Variants in RGL1 observed in about 807,000 individuals in gnomAD.
The protein encoded by RGL1 is ral guanine nucleotide dissociation stimulator like 1.
A neutral mutation model predicts 95.2 loss-of-function variants in RGL1; 24 were observed. The ratio of observed to expected loss-of-function variants is 0.25; its 90% CI spans 0.18 to 0.35. RGL1 has a LOEUF of 0.35. RGL1 is among the 10% of genes least tolerant of loss of function. RGL1 has a pLI of 1.00. For synonymous variants in RGL1, 329 were observed against 344.9 expected (o/e 0.95, Z 0.51); for missense variants, 715 against 936.3 (o/e 0.76, Z 3.08).
At position 183,787,681 on chromosome 1, in the gene RGL1, C is replaced by G. The variant is rs973494071; in HGVS notation, c.133-18694C>G. 8.6e-5 allele frequency among the ~76,000 whole-genome samples: 13 copies of G among 152,028 alleles called. 1 individual carries two copies. Among genetic ancestry groups the G allele is most frequent in the African/African-American group, 3.1e-4 (13 of 41,382 alleles). ...CAAACTTCATGTTGAAATTTGATCCCTAGTGTTGGAGGTGAGGCTTAACAG... is the reference window on the plus strand; with the variant it reads ...CAAACTTCATGTTGAAATTTGATCCGTAGTGTTGGAGGTGAGGCTTAACAG... On this transcript the variant is annotated intron_variant, in intron 2 of 18. Coordinates refer to the RGL1 transcript ENST00000304685.
At chr1:183,879,722 GTCT>G (rs1027730095) in intron 4 of RGL1, among the ~76,000 whole-genome samples, 6 of 152,202 alleles carry the variant, frequency 3.9e-5, no homozygotes, top group Admixed American at 2.0e-4. Flanking sequence ...TGTTGGTAAA[GTCT>G]TCTTTGAAGA....
intron 2 of RGL1, among the ~76,000 whole-genome samples, chr1:183,827,597 CGA>C (rs1157965421): frequency 1.3e-5 from 2 of 152,176 alleles, no homozygotes; most frequent in Non-Finnish European, 2.9e-5. Flanking sequence ...GCTGTATTTT[CGA>C]TTAAGGTATA....
intron 1 of RGL1, among the ~76,000 whole-genome samples, chr1:183,711,591 A>G (rs990678308): frequency 3.3e-5 from 5 of 152,176 alleles, no homozygotes; most frequent in Non-Finnish European, 7.4e-5. Flanking sequence ...GTGAGAGTCT[A>G]GGGGCCTTTA....
rs199702533 is a variant in RGL1 at position 183,912,202 on chromosome 1, G to C, written c.1683G>C (p.Ser561=). 5 of 1,614,020 alleles carry C rather than the reference G, an allele frequency of 3.1e-6. No homozygotes were observed. The Admixed American group carries it at 5.0e-5, about 16-fold the overall frequency. ...CTGTCAGCGTGTCATCCTGCGAGTC[G>C]AACCACTCAGAGGCTGAGGAGGGCT... is the stretch of plus-strand genomic sequence containing the variant. ...MDSVSVSSCE[S]NHSEAEEGSI... Residue 561 remains serine, a synonymous_variant, in exon 15 of 18, where the codon TCG becomes TCC. Transcript: ENST00000360851.
chr1:183,927,988 T>C lies in RGL1; in HGVS notation c.*1696T>C, dbSNP rs1043218561. On this transcript the variant is annotated 3_prime_UTR_variant, in exon 18 of 18. Coordinates refer to ENST00000360851, the MANE Select transcript of RGL1 (RefSeq NM_001297671.3). ...AATTTCCTTTGGTCTTTCCAGGAGA[T>C]TGGACTACACATTGTAAAGACTGAC... is the stretch of plus-strand genomic sequence containing the variant. The C allele has an allele frequency of 2.0e-5, 3 of 152,526 alleles. No individual in the cohort carries two copies. The highest frequency in any genetic ancestry group is 4.4e-5 in the Non-Finnish European group (3 of 68,000). 9.4% of individuals were successfully genotyped at this position (152,526 alleles called of 1,614,324 possible).
chr1:183,686,657 C>T (rs1185644015), intron 1 of RGL1, among the ~76,000 whole-genome samples: 1 of 152,138 alleles, frequency 6.6e-6, no homozygotes. Context: ...AGTTAGCTAA[C>T]ATGTGACTAG....
chr1:183,757,797 C>T (rs979218677), intron 2 of RGL1, among the ~76,000 whole-genome samples: 3 of 152,202 alleles, frequency 2.0e-5, no homozygotes, highest in Admixed American at 2.0e-4. Flanking sequence ...GGCACATGCT[C>T]AAATATACAT....
At position 183,806,685 on chromosome 1, in the gene RGL1, T is replaced by C. The variant is rs186566348; in HGVS notation, c.138+200T>C. The stretch of plus-strand genomic sequence containing the variant: ...TGTTTTCAAAAGCATCTTCCCTAGG[T>C]TTGTCAATAATTCAGAACCTCTTAG... On this transcript the variant is annotated intron_variant, in intron 2 of 17. Transcript: ENST00000360851. Among the ~76,000 whole-genome samples, 82 of 152,142 alleles carry C rather than the reference T, an allele frequency of 5.4e-4. No individual in the cohort carries two copies. The East Asian group carries it at 0.015, about 27-fold the overall frequency.
upstream of RGL1, among the ~76,000 whole-genome samples, chr1:183,804,675 G>A (rs1661171256): frequency 6.6e-6 from 1 of 152,204 alleles, no homozygotes; most frequent in African/African-American, 2.4e-5. Flanking sequence ...ATAGCCCCTG[G>A]GCATGGTTTT....
intron 2 of RGL1, among the ~76,000 whole-genome samples, chr1:183,787,979 T>A (rs1245833322): frequency 6.6e-6 from 1 of 152,126 alleles, no homozygotes. Flanking sequence ...TGCAGAGCCA[T>A]GAGTCAAATA....
At chr1:183,879,788 T>C (rs966983933) in intron 4 of RGL1, among the ~76,000 whole-genome samples, 1 of 152,236 alleles carries the variant, frequency 6.6e-6, no homozygotes, top group African/African-American at 2.4e-5. Context: ...ATCCTTCAGC[T>C]ATTTGTCTCT....
Position 183,880,598 on chromosome 1 carries a change from T to C in RGL1, c.426-18T>C. 1 of 1,612,016 alleles carries C rather than the reference T, an allele frequency of 6.2e-7. No homozygotes were observed. Among genetic ancestry groups the C allele is most frequent in the Non-Finnish European group, 8.5e-7 (1 of 1,179,104 alleles). ...CACAGCCAGTTGGGTGCAGTGACTC[T>C]CCATTTGTCTTTCTCAGTGCAATCG... On this transcript the variant is annotated intron_variant, in intron 4 of 17. Coordinates refer to ENST00000360851, the MANE Select transcript of RGL1 (RefSeq NM_001297671.3).
At chr1:183,700,044 C>T (rs1311286515) in intron 1 of RGL1, among the ~76,000 whole-genome samples, 1 of 152,146 alleles carries the variant, frequency 6.6e-6, no homozygotes, top group African/African-American at 2.4e-5. Context: ...ACCAAGCCTT[C>T]CCGTATTGCA....
intron 2 of RGL1, among the ~76,000 whole-genome samples, chr1:183,793,555 A>C (rs1660538723): frequency 6.6e-6 from 1 of 152,124 alleles, no homozygotes; most frequent in African/African-American, 2.4e-5. Flanking sequence ...ATATATAAGG[A>C]ACTCAAAGAA....
intron 1 of RGL1, among the ~76,000 whole-genome samples, chr1:183,668,290 C>T (rs1652183980): frequency 6.6e-6 from 1 of 152,088 alleles, no homozygotes; most frequent in African/African-American, 2.4e-5. Context: ...ATTTCTCTTT[C>T]ACTTCTGAAC....
At chr1:183,822,771 G>A (rs1210849048) in intron 2 of RGL1, among the ~76,000 whole-genome samples, 1 of 152,146 alleles carries the variant, frequency 6.6e-6, no homozygotes, top group Non-Finnish European at 1.5e-5. Context: ...AAAATCATAG[G>A]ATTTTAGAGC....
intron 2 of RGL1, among the ~76,000 whole-genome samples, chr1:183,837,664 A>G (rs1434127062): frequency 1.3e-5 from 2 of 152,220 alleles, no homozygotes; most frequent in Admixed American, 1.3e-4. Context: ...GTCCGACAGT[A>G]AATTGGCTCC....
At position 183,831,199 on chromosome 1, in the gene RGL1, G is replaced by A. The variant is rs570210042; in HGVS notation, c.139-16367G>A. 2.0e-5 allele frequency among the ~76,000 whole-genome samples: 3 copies of A among 152,296 alleles called. No homozygotes were observed. In the East Asian group the frequency reaches 5.8e-4, roughly 29 times the overall value. On this transcript the variant is annotated intron_variant, in intron 2 of 17. Transcript: ENST00000360851. The stretch of plus-strand genomic sequence containing the variant: ...GGGGTGCTCTAGGGGGTTTATCTGA[G>A]TAAGTACTGCCCAATGAAAAGAAGG...
chr1:183,791,454 T>C (rs1660437966), intron 2 of RGL1, among the ~76,000 whole-genome samples: 1 of 152,248 alleles, frequency 6.6e-6, no homozygotes, highest in Non-Finnish European at 1.5e-5. Flanking sequence ...TCAAAAGTTC[T>C]CCTTTAAAGC....
Sources: gnomAD v4.1 joint callset for allele counts (sites outside exome capture counted in the v4.1 genomes callset) on GRCh38, gnomAD v4.1.1 for gene constraint, MANE v1.5 for transcripts, NCBI Gene and HGNC (gene_info 2026-07-23, HGNC 2026-07-21) for gene names.